ANKRD36: variants seen among roughly 807,000 people sequenced by gnomAD.
ANKRD36 encodes the protein ankyrin repeat domain-containing protein 36A.
Under a neutral mutation model 278.1 loss-of-function variants are expected in ANKRD36, and 179 were observed. That is an observed-to-expected ratio of 0.64 (90% CI 0.57 to 0.73). The LOEUF is 0.73. Ranked by LOEUF, ANKRD36 falls within the 30% of genes least tolerant of loss-of-function variation. The pLI is 0.00. For synonymous variants in ANKRD36, 320 were observed against 641.1 expected, an observed-to-expected ratio of 0.50 and a Z score of 7.57; for missense variants, 1,159 against 1,956.7, an observed-to-expected ratio of 0.59 and a Z score of 7.69.
chr2:97,124,740 C>T (rs1260353594), intron 5 of ANKRD36, 143 bp downstream of exon 5: 19 of 1,011,826 alleles, frequency 1.9e-5, no homozygotes, highest in African/African-American at 1.0e-4. Context: ...TTTAAGTTTT[C>T]GAGAGTTGTG....
At chr2:97,203,172 A>G (rs1277825824) in intron 48 of ANKRD36, among the ~76,000 whole-genome samples, 2 of 151,788 alleles carry the variant, frequency 1.3e-5, no homozygotes, top group Admixed American at 6.6e-5. Context: ...TACCATAGCT[A>G]TTTCATGAAA....
chr2:97,191,532 T>C (rs187707444), intron 36 of ANKRD36, among the ~76,000 whole-genome samples: 1 of 151,736 alleles, frequency 6.6e-6, no homozygotes, highest in Non-Finnish European at 1.5e-5. Flanking sequence ...AAACGTCACA[T>C]CGTACTGCTA....
intron 22 of ANKRD36, among the ~76,000 whole-genome samples, chr2:97,176,535 G>T (rs911813036): frequency 8.3e-5 from 12 of 143,792 alleles, no homozygotes; most frequent in Admixed American, 1.4e-4. Context: ...ACGTGAGATG[G>T]GTTTCCTGAA....
In ANKRD36 at chr2:97,121,558, C is replaced by T. The variant is rs539279477; in HGVS notation, c.487-1329C>T. Among the ~76,000 whole-genome samples, 8 of 152,148 alleles carry T rather than the reference C, an allele frequency of 5.3e-5. No homozygotes were observed. The East Asian group carries it at 1.5e-3, about 29-fold the overall frequency. ...GGGAGGCTGAGGCAGGAGAATTTCTCGTGCTTGAATCCGGGAGGCGGAGGT... is the reference window on the plus strand; with the variant it reads ...GGGAGGCTGAGGCAGGAGAATTTCTTGTGCTTGAATCCGGGAGGCGGAGGT... On this transcript the variant is annotated intron_variant, in intron 3 of 75. Transcript: ENST00000420699.
chr2:97,204,876 C>T (rs2062417962), intron 50 of ANKRD36, among the ~76,000 whole-genome samples: 1 of 151,456 alleles, frequency 6.6e-6, no homozygotes, highest in African/African-American at 2.4e-5. Flanking sequence ...AAGCAGGAAA[C>T]AGTGGTTGAA....
At chr2:97,232,850 G>T (rs139584012) in intron 67 of ANKRD36, among the ~76,000 whole-genome samples, 15 of 152,142 alleles carry the variant, frequency 9.9e-5, no homozygotes, top group African/African-American at 3.4e-4. Context: ...AGTAGTTATG[G>T]ATGAAATAAA....
At chr2:97,129,587 G>C (rs1449167950) in intron 6 of ANKRD36, among the ~76,000 whole-genome samples, 2 of 151,994 alleles carry the variant, frequency 1.3e-5, no homozygotes, top group Non-Finnish European at 2.9e-5. Context: ...TTTTCTTGTA[G>C]GGTTTTTATG....
At chr2:97,218,787 T>C (rs954578951) in intron 64 of ANKRD36, among the ~76,000 whole-genome samples, 2 of 151,936 alleles carry the variant, frequency 1.3e-5, no homozygotes, top group African/African-American at 4.8e-5. Flanking sequence ...TATACCCACA[T>C]TGATATTAAC....
intron 5 of ANKRD36, among the ~76,000 whole-genome samples, chr2:97,125,805 G>A (rs1325510556): frequency 7.2e-5 from 11 of 151,954 alleles, no homozygotes; most frequent in Non-Finnish European, 1.5e-4. Flanking sequence ...CCATTCATCG[G>A]AATTATCTGA....
chr2:97,223,443 G>A (rs1479975164), intron 66 of ANKRD36, among the ~76,000 whole-genome samples: 1 of 151,782 alleles, frequency 6.6e-6, no homozygotes, highest in Non-Finnish European at 1.5e-5. Flanking sequence ...TTGCATGAGT[G>A]GATTCAGAAA....
At chr2:97,120,750 C>T (rs1254212874) in intron 3 of ANKRD36, among the ~76,000 whole-genome samples, 1 of 152,020 alleles carries the variant, frequency 6.6e-6, no homozygotes, top group African/African-American at 2.4e-5. Flanking sequence ...CATACAATTG[C>T]TTGGAGACAT....
At chr2:97,243,125 C>T (rs112387501) in intron 69 of ANKRD36, among the ~76,000 whole-genome samples, 1 of 139,200 alleles carries the variant, frequency 7.2e-6, no homozygotes, top group Non-Finnish European at 1.6e-5. Flanking sequence ...TATGAGTGAC[C>T]GTGGCCCCCG....
chr2:97,182,023 A>G (rs2056367663), intron 26 of ANKRD36, among the ~76,000 whole-genome samples: 1 of 151,434 alleles, frequency 6.6e-6, no homozygotes, highest in Non-Finnish European at 1.5e-5. Context: ...TTGGAGAGCC[A>G]TTAAAGACAT....
At chr2:97,185,405 C>T (rs375172653) in intron 29 of ANKRD36, 33 bp from the exon 30 acceptor site, 1 of 1,607,790 alleles carries the variant, frequency 6.2e-7, no homozygotes, top group East Asian at 2.2e-5. Context: ...AACATACTTT[C>T]TTTATTGATA....
chr2:97,153,619 A>C (rs1043057435), intron 14 of ANKRD36, among the ~76,000 whole-genome samples: 3 of 146,836 alleles, frequency 2.0e-5, no homozygotes, highest in African/African-American at 7.3e-5. Flanking sequence ...TTCAAAACGC[A>C]GTCTTCTTTT....
At chr2:97,154,528 A>G (rs1212105680) in intron 14 of ANKRD36, 147 bp from the exon 15 acceptor site, 4 of 576,496 alleles carry the variant, frequency 6.9e-6, no homozygotes, top group Middle Eastern at 4.0e-4. Flanking sequence ...ATACCAAGAA[A>G]TATTATTTAA....
At chr2:97,205,317 A>G (rs2062542212) in intron 50 of ANKRD36, among the ~76,000 whole-genome samples, 2 of 151,580 alleles carry the variant, frequency 1.3e-5, no homozygotes, top group South Asian at 4.2e-4. Flanking sequence ...AGGCTATACT[A>G]GTGGATACAA....
intron 22 of ANKRD36, among the ~76,000 whole-genome samples, chr2:97,173,425 G>T (rs200220282): frequency 1.3e-5 from 2 of 151,830 alleles, no homozygotes; most frequent in Non-Finnish European, 2.9e-5. Context: ...AGCTGTGAAA[G>T]AGTGTCTATG....
chr2:97,189,060 T>C lies in ANKRD36; in HGVS notation c.2144-27T>C. On this transcript the variant is annotated intron_variant, in intron 32 of 75. Transcript: ENST00000420699. ...TAACTTTATCATATTTACATATGAG[T>C]GATTATGTATCCCTTTTGCTTTTCA... 2 of 743,520 alleles carry C rather than the reference T, an allele frequency of 2.7e-6. 1 individual carries two copies. Among genetic ancestry groups the C allele is most frequent in the Non-Finnish European group, 4.6e-6 (2 of 434,918 alleles). The allele number at this position is 743,520 out of a possible 1,614,324, so 46.1% of individuals were successfully genotyped here.
Sources: allele counts gnomAD v4.1 joint callset (sites outside exome capture counted in the v4.1 genomes callset), GRCh38; gene constraint gnomAD v4.1.1; transcripts MANE v1.5; gene names NCBI Gene and HGNC (gene_info 2026-07-23, HGNC 2026-07-21).